Variants in RYR2 observed in about 807,000 individuals in gnomAD.
The protein encoded by RYR2 is ryanodine receptor 2.
A neutral mutation model predicts 601.1 loss-of-function variants in RYR2; 227 were observed. The observed-to-expected ratio is 0.38, with a 90% CI of 0.34 to 0.42. The LOEUF is 0.42. RYR2 is among the 10% of genes least tolerant of loss of function. The probability of loss-of-function intolerance (pLI) is 1.00; values close to 1 mark genes in which losing one functional copy is unlikely to be tolerated. For missense variants in RYR2, 4,646 were observed against 6,156.5 expected (o/e 0.75, Z 8.21); for synonymous variants, 2,223 against 2,175.1 (o/e 1.02, Z -0.61).
At chr1:237,753,381 A>G (rs1337330463) in intron 80 of RYR2, among the ~76,000 whole-genome samples, 1 of 152,156 alleles carries the variant, frequency 6.6e-6, no homozygotes, top group Non-Finnish European at 1.5e-5. Flanking sequence ...CAAGTGTTAA[A>G]AGCTTGACAC....
In RYR2 at chr1:237,489,411, C is replaced by T. The variant is rs956692865; in HGVS notation, c.1709-2395C>T. Among the ~76,000 whole-genome samples the T allele has an allele frequency of 3.9e-5, 6 of 152,150 alleles. No homozygotes were observed. In the East Asian group the frequency reaches 1.2e-3, roughly 29 times the overall value. Reference sequence around the variant, plus strand: ...GTGGCTCACACCTGTAATCCCAGCACTTTAGGAGACCAAGGTGGGCGGATC... The same window carrying T: ...GTGGCTCACACCTGTAATCCCAGCATTTTAGGAGACCAAGGTGGGCGGATC... On this transcript the variant is annotated intron_variant, in intron 17 of 104. Coordinates refer to ENST00000366574, the MANE Select transcript of RYR2 (RefSeq NM_001035.3).
At chr1:237,829,735 C>T (rs1891248) in intron 102 of RYR2, among the ~76,000 whole-genome samples, 67,271 of 151,644 alleles carry the variant, frequency 0.44, 14,995 homozygotes, top group Middle Eastern at 0.63. Flanking sequence ...TACAGGGTCT[C>T]ATAAACATGC....
intron 96 of RYR2, among the ~76,000 whole-genome samples, chr1:237,795,864 A>ATG (rs1659109240): frequency 7.7e-6 from 1 of 129,338 alleles, no homozygotes; most frequent in African/African-American, 2.8e-5. Context: ...ATGTATATAT[A>ATG]TATATATATA....
chr1:237,773,511 AT>A lies in RYR2; in HGVS notation c.11647-6del. The A allele has an allele frequency of 1.3e-6, 2 of 1,569,652 alleles. No individual in the cohort carries two copies. The highest frequency in any genetic ancestry group is 1.8e-6 in the Non-Finnish European group (2 of 1,140,630). ...CTTGATAATAAATAATATCATCTCT[AT>A]TTCCCAGGAATCAATTAGTGACTTT... On this transcript the variant is annotated splice_polypyrimidine_tract_variant and splice_region_variant and intron_variant, in intron 86 of 104. Coordinates refer to ENST00000366574, the MANE Select transcript of RYR2 (RefSeq NM_001035.3).
chr1:237,456,984 GCCT>G (rs1439031122), intron 16 of RYR2, among the ~76,000 whole-genome samples: 2 of 152,062 alleles, frequency 1.3e-5, no homozygotes, highest in African/African-American at 4.8e-5. Context: ...TTTATAACAT[GCCT>G]CCTAATTGAG....
intron 6 of RYR2, among the ~76,000 whole-genome samples, chr1:237,374,271 C>T (rs34014093): frequency 0.013 from 1,945 of 152,044 alleles, 122 homozygotes; most frequent in Admixed American, 0.1. Context: ...CCTATAATCC[C>T]GGCACCTTGG....
intron 3 of RYR2, among the ~76,000 whole-genome samples, chr1:237,344,798 G>C (rs1698149624): frequency 6.6e-6 from 1 of 151,966 alleles, no homozygotes; most frequent in South Asian, 2.1e-4. Flanking sequence ...TTTATAGTAA[G>C]TCTTTTTTAT....
chr1:237,236,505 C>T (rs2149212697), intron 1 of RYR2, among the ~76,000 whole-genome samples: 1 of 152,086 alleles, frequency 6.6e-6, no homozygotes, highest in Middle Eastern at 3.4e-3. Context: ...ACAAATTTGT[C>T]CTGATATTTT....
rs2149138948 is a variant in RYR2, at chr1:237,726,314, T to C, written c.10725+6T>C. ...GTCGGAGACATTACTGTCTGGGAAGTACAGTGCTCAATGGCCTAGAGATTA... is the reference window on the plus strand; with the variant it reads ...GTCGGAGACATTACTGTCTGGGAAGCACAGTGCTCAATGGCCTAGAGATTA... On this transcript the variant is annotated splice_donor_region_variant and intron_variant, in intron 75 of 104. Coordinates refer to ENST00000366574, the MANE Select transcript of RYR2 (RefSeq NM_001035.3). 2 of 1,572,192 alleles carry C rather than the reference T, an allele frequency of 1.3e-6. No individual in the cohort carries two copies. The highest frequency in any genetic ancestry group is 1.7e-6 in the Non-Finnish European group (2 of 1,147,910).
Position 237,707,269 on chromosome 1 carries a change from G to A in RYR2, c.9901G>A (p.Val3301Met). The change falls in exon 68 of 105, where the codon GTG (valine) becomes ATG (methionine). Residue 3301 changes from valine to methionine, a missense_variant and splice_region_variant. Around this residue, in one of 17 missense-constraint regions of RYR2, gnomAD observed 1,497 missense variants for 1,842.6 expected, o/e 0.81. Transcript: ENST00000366574. ...DEGAWMKRLAVFSQPIINKVK... is the reference protein window; with the variant it reads ...DEGAWMKRLAMFSQPIINKVK... ...GGGAGCCTGGATGAAGAGGCTAGCA[G>A]GTAAGAACTGGAAGAAGACATTGTA... The A allele has an allele frequency of 6.8e-7, 1 of 1,461,160 alleles. No individual in the cohort carries two copies. The highest frequency in any genetic ancestry group is 1.4e-5 in the African/African-American group (1 of 71,424). 90.5% of individuals were successfully genotyped at this position (1,461,160 alleles called of 1,614,324 possible). A position where few individuals can be genotyped will look rare whatever the true frequency, so the allele number is the denominator to read the frequency against.
intron 1 of RYR2, among the ~76,000 whole-genome samples, chr1:237,090,494 G>C (rs888527422): frequency 1.8e-4 from 27 of 152,154 alleles, no homozygotes; most frequent in Non-Finnish European, 2.1e-4. Flanking sequence ...GGAACCAACA[G>C]ATTTTCCCCT....
At chr1:237,511,660 T>C in intron 23 of RYR2, 28 bp from the exon 24 acceptor site, 1 of 1,517,576 alleles carries the variant, frequency 6.6e-7, no homozygotes, top group Non-Finnish European at 9.0e-7. Context: ...TGGAGACTAT[T>C]TTATGTCAAT....
intron 8 of RYR2, among the ~76,000 whole-genome samples, chr1:237,387,044 A>G (rs930611930): frequency 1.3e-5 from 2 of 152,222 alleles, no homozygotes; most frequent in Non-Finnish European, 2.9e-5. Context: ...TCATTTATGC[A>G]TATTTTGATT....
chr1:237,756,350 G>C lies in RYR2; in HGVS notation c.11208G>C (p.Ala3736=), dbSNP rs750384592. Residue 3736 remains alanine, a synonymous_variant, in exon 81 of 105, where the codon GCG becomes GCC. Transcript: ENST00000366574. The part of the protein sequence containing the change: ...YQQARLHDRG[A]AEMVLQTISA... Reference sequence around the variant, plus strand: ...AAGCCCGACTCCACGATCGTGGCGCGGCTGAGATGGTGCTACAGACAATCA... The same window carrying C: ...AAGCCCGACTCCACGATCGTGGCGCCGCTGAGATGGTGCTACAGACAATCA... 18 of 1,613,418 alleles carry C rather than the reference G, an allele frequency of 1.1e-5. No individual in the cohort carries two copies. The highest frequency in any genetic ancestry group is 9.3e-6 in the Non-Finnish European group (11 of 1,179,500).
intron 1 of RYR2, among the ~76,000 whole-genome samples, chr1:237,164,396 C>T (rs920748914): frequency 6.6e-6 from 1 of 152,202 alleles, no homozygotes; most frequent in Non-Finnish European, 1.5e-5. Context: ...AGGTGCCCAG[C>T]TGTAGACGTG....
At chr1:237,427,452 A>G (rs765568467) in intron 12 of RYR2, among the ~76,000 whole-genome samples, 20 of 152,158 alleles carry the variant, frequency 1.3e-4, no homozygotes, top group Non-Finnish European at 2.5e-4. Context: ...AAACAACTTT[A>G]TTTGGAAAGA....
At chr1:237,662,266 G>A (rs1205792665) in intron 56 of RYR2, among the ~76,000 whole-genome samples, 1 of 151,896 alleles carries the variant, frequency 6.6e-6, no homozygotes, top group African/African-American at 2.4e-5. Flanking sequence ...TTTTGTCTGT[G>A]TACTTTTCTA....
intron 1 of RYR2, among the ~76,000 whole-genome samples, chr1:237,107,651 T>C (rs1370191109): frequency 6.6e-6 from 1 of 152,110 alleles, no homozygotes; most frequent in Admixed American, 6.5e-5. Flanking sequence ...TGGCTCAGAG[T>C]TGGTGACTTC....
chr1:237,778,824 T>A lies in RYR2; in HGVS notation c.11880+54T>A, dbSNP rs938794745. The stretch of plus-strand genomic sequence containing the variant: ...TTAAATGACAAACTGGAGACTGTAA[T>A]CATCAGCAAATTAAACATGCTTTTT... On this transcript the variant is annotated intron_variant, in intron 88 of 104. Transcript: ENST00000366574. 7 of 844,116 alleles carry A rather than the reference T, an allele frequency of 8.3e-6. No homozygotes were observed. In the African/African-American group the frequency reaches 8.3e-5, roughly 10 times the overall value. 52.3% of individuals were successfully genotyped at this position (844,116 alleles called of 1,614,324 possible). A position where few individuals can be genotyped will look rare whatever the true frequency, so the allele number is the denominator to read the frequency against.
Sources: gnomAD v4.1 joint callset for allele counts (sites outside exome capture counted in the v4.1 genomes callset) on GRCh38, gnomAD v4.1.1 for gene constraint, gnomAD v4.1.1 regional missense constraint, MANE v1.5 for transcripts, NCBI Gene and HGNC (gene_info 2026-07-23, HGNC 2026-07-21) for gene names.